The following BPIFC variants were observed in gnomAD, a reference collection of about 807,000 sequenced individuals.
BPIFC encodes the protein BPI fold-containing family C protein.
Under a neutral mutation model 57.6 loss-of-function variants are expected in BPIFC, and 60 were observed. The ratio of observed to expected loss-of-function variants is 1.04; its 90% confidence interval spans 0.85 to 1.29. The LOEUF is 1.29. Among genes scored for constraint, BPIFC ranks in the 50% most tolerant of loss-of-function variants. BPIFC has a pLI of 0.00. For synonymous variants in BPIFC, 243 were observed against 224.5 expected (o/e 1.08, Z -0.74); for missense variants, 581 against 600.5 (o/e 0.97, Z 0.34).
chr22:32,428,280 T>C (rs921572551), intron 13 of BPIFC, among the ~76,000 whole-genome samples: 25 of 151,178 alleles, frequency 1.7e-4, no homozygotes, highest in Middle Eastern at 6.8e-3. Context: ...CGCGCGCGTG[T>C]GTGTGTGTGT....
intron 7 of BPIFC, among the ~76,000 whole-genome samples, chr22:32,444,815 C>T (rs1354569821): frequency 6.6e-6 from 1 of 152,106 alleles, no homozygotes; most frequent in Non-Finnish European, 1.5e-5. Flanking sequence ...ACTTCCAGGC[C>T]CTATTTCTTC....
chr22:32,428,279 G>A (rs975787483), intron 13 of BPIFC, among the ~76,000 whole-genome samples: 1 of 108,484 alleles, frequency 9.2e-6, no homozygotes, highest in African/African-American at 4.7e-5. Context: ...GCGCGCGCGT[G>A]TGTGTGTGTG....
intron 13 of BPIFC, among the ~76,000 whole-genome samples, chr22:32,424,680 CTTCT>C (rs1933980830): frequency 1.1e-5 from 1 of 91,290 alleles, no homozygotes; most frequent in African/African-American, 6.1e-5. Flanking sequence ...TCTTCTTCTT[CTTCT>C]TCTTCTTCCT....
intron 7 of BPIFC, among the ~76,000 whole-genome samples, chr22:32,444,882 T>C (rs1211382259): frequency 1.3e-5 from 2 of 152,228 alleles, no homozygotes; most frequent in African/African-American, 4.8e-5. Context: ...TGTAACTGTA[T>C]ACTAAATTCA....
intron 3 of BPIFC, among the ~76,000 whole-genome samples, chr22:32,454,046 G>A (rs1934972444): frequency 6.6e-6 from 1 of 152,184 alleles, no homozygotes; most frequent in African/African-American, 2.4e-5. Flanking sequence ...TGGAGGTCGA[G>A]GCTGCAGTAA....
At chr22:32,438,594 G>A (rs1360907502) in intron 8 of BPIFC, among the ~76,000 whole-genome samples, 2 of 152,122 alleles carry the variant, frequency 1.3e-5, no homozygotes, top group Non-Finnish European at 2.9e-5. Context: ...GTTTCACCAT[G>A]TTGGCCAGGC....
At chr22:32,444,740 AAATCCTACCTATATGTT>A (rs1183457890) in intron 7 of BPIFC, among the ~76,000 whole-genome samples, 1 of 152,174 alleles carries the variant, frequency 6.6e-6, no homozygotes, top group Non-Finnish European at 1.5e-5. Context: ...TTACATATAC[AAATCCTACCTATATGTT>A]AAGATCTAGT....
chr22:32,434,235 AT>A (rs1934326884), intron 10 of BPIFC, among the ~76,000 whole-genome samples: 4 of 72,068 alleles, frequency 5.6e-5, no homozygotes, highest in African/African-American at 3.1e-4. Flanking sequence ...CATATTCTTT[AT>A]TTATATATAT....
chr22:32,449,990 TC>T (rs200810371), intron 4 of BPIFC, among the ~76,000 whole-genome samples: 1,941 of 151,942 alleles, frequency 0.013, 47 homozygotes, highest in African/African-American at 0.045. Flanking sequence ...CACCTTGGCC[TC>T]CCAAAGTGCT....
At chr22:32,429,807 G>T (rs952146945) in intron 13 of BPIFC, among the ~76,000 whole-genome samples, 1 of 151,956 alleles carries the variant, frequency 6.6e-6, no homozygotes, top group Non-Finnish European at 1.5e-5. Context: ...GAGCGACCGC[G>T]CCTGGCCATT....
At chr22:32,417,500 C>G (rs577166633) in intron 14 of BPIFC, among the ~76,000 whole-genome samples, 1 of 152,276 alleles carries the variant, frequency 6.6e-6, no homozygotes, top group South Asian at 2.1e-4. Context: ...AAGTACCATG[C>G]CTGGTTTGGA....
At chr22:32,435,903 A>G in intron 9 of BPIFC, 23 bp from the exon 10 acceptor site, 1 of 1,599,928 alleles carries the variant, frequency 6.3e-7, no homozygotes, top group African/African-American at 1.4e-5. Flanking sequence ...AGAGAGAAAG[A>G]CCAGTGTATC....
chr22:32,418,393 A>G (rs1896890761), intron 14 of BPIFC, among the ~76,000 whole-genome samples: 1 of 152,132 alleles, frequency 6.6e-6, no homozygotes, highest in Non-Finnish European at 1.5e-5. Flanking sequence ...GGCACTCTTG[A>G]CGTTTTGGGA....
At chr22:32,422,446 CCTGTAA>C (rs1933874478) in intron 13 of BPIFC, among the ~76,000 whole-genome samples, 1 of 152,102 alleles carries the variant, frequency 6.6e-6, no homozygotes, top group Non-Finnish European at 1.5e-5. Flanking sequence ...GTGGCTCACA[CCTGTAA>C]TCCCAGCACT....
intron 13 of BPIFC, among the ~76,000 whole-genome samples, chr22:32,422,971 T>C (rs1269485374): frequency 6.6e-6 from 1 of 152,188 alleles, no homozygotes. Flanking sequence ...CATAATAGGT[T>C]CTCAGTAAAT....
At position 32,457,280 on chromosome 22, in the gene BPIFC, T is replaced by G; in HGVS notation, c.107A>C (p.Gln36Pro). The G allele has an allele frequency of 6.2e-7, 1 of 1,603,134 alleles. No homozygotes were observed. The highest frequency in any genetic ancestry group is 1.1e-5 in the South Asian group (1 of 89,388). ...IYPGIKARITQRALDYGVQAG... is the reference protein window; with the variant it reads ...IYPGIKARITPRALDYGVQAG... ...CAACTCACCATAGTCAAGTGCCCTC[T>G]GAGTAATCCTTGCCTTGATTCCAGG... The change falls in exon 3 of 17, where the codon CAG becomes CCG. Residue 36 changes from glutamine to proline, a missense_variant. By Grantham distance (76) the Gln-to-Pro change is moderately conservative (BLOSUM62 -1). Transcript: ENST00000300399.
chr22:32,437,918 T>C (rs1934455517), intron 8 of BPIFC, 67 bp from the exon 9 acceptor site: 7 of 884,862 alleles, frequency 7.9e-6, no homozygotes, highest in South Asian at 1.5e-5. Flanking sequence ...ATATGAATGA[T>C]GTCTATCTAG....
chr22:32,419,826 A>G (rs1933790925), intron 13 of BPIFC, among the ~76,000 whole-genome samples: 1 of 138,328 alleles, frequency 7.2e-6, no homozygotes, highest in African/African-American at 2.8e-5. Context: ...AAAAAAAAAC[A>G]GATAAAAATA....
intron 4 of BPIFC, among the ~76,000 whole-genome samples, chr22:32,448,946 A>G (rs1320629932): frequency 6.6e-6 from 1 of 152,174 alleles, no homozygotes; most frequent in African/African-American, 2.4e-5. Flanking sequence ...CAAAAAAAAA[A>G]AAAGAAATTA....
Sources: allele counts gnomAD v4.1 joint callset (sites outside exome capture counted in the v4.1 genomes callset), GRCh38; gene constraint gnomAD v4.1.1; transcripts MANE v1.5; gene names NCBI Gene and HGNC (gene_info 2026-07-23, HGNC 2026-07-21).